The following TAFA4 variants were observed in gnomAD, a reference collection of about 807,000 sequenced individuals.
The protein encoded by TAFA4 is TAFA chemokine like family member 4, also known as chemokine-like protein TAFA-4.
Under a neutral mutation model 21.1 loss-of-function variants are expected in TAFA4, and 20 were observed. The ratio of observed to expected loss-of-function variants is 0.95; its 90% CI spans 0.67 to 1.38. TAFA4 has a LOEUF of 1.38. Ranked by LOEUF, TAFA4 falls within the 40% of genes most tolerant of loss-of-function variation. The probability of loss-of-function intolerance (pLI) is 0.00; values close to 1 mark genes in which losing one functional copy is unlikely to be tolerated. For synonymous variants in TAFA4, 71 were observed against 67.4 expected, an observed-to-expected ratio of 1.05 and a Z score of -0.26; for missense variants, 211 against 180.9, an observed-to-expected ratio of 1.17 and a Z score of -0.95.
At position 68,750,201 on chromosome 3, in the gene TAFA4, G is replaced by A. The variant is rs903924723; in HGVS notation, c.286+2662C>T. ...AATCCCCACACTTTGGGAGGCAGAGGTAGGAGGATTGCTTGAGCCCAGCAG... is the reference window on the plus strand; with the variant it reads ...AATCCCCACACTTTGGGAGGCAGAGATAGGAGGATTGCTTGAGCCCAGCAG... On this transcript the variant is annotated intron_variant, in intron 4 of 5. Coordinates refer to ENST00000295569, the MANE Select transcript of TAFA4 (RefSeq NM_182522.5). Among the ~76,000 whole-genome samples, 3 of 152,184 alleles carry A rather than the reference G, an allele frequency of 2.0e-5. No homozygotes were observed. The South Asian group carries it at 6.2e-4, about 31-fold the overall frequency.
intron 3 of TAFA4, among the ~76,000 whole-genome samples, chr3:68,762,039 G>A (rs1355725414): frequency 6.6e-6 from 1 of 151,798 alleles, no homozygotes; most frequent in East Asian, 1.9e-4. Flanking sequence ...GAGTTCAAGA[G>A]AGAAATCTGG....
intron 3 of TAFA4, among the ~76,000 whole-genome samples, chr3:68,864,660 T>C (rs1263855590): frequency 6.6e-6 from 1 of 152,166 alleles, no homozygotes; most frequent in Non-Finnish European, 1.5e-5. Flanking sequence ...AGCAGCTGTA[T>C]TTATGATAGC....
intron 3 of TAFA4, among the ~76,000 whole-genome samples, chr3:68,869,073 AT>A (rs1559548793): frequency 6.6e-6 from 1 of 152,030 alleles, no homozygotes; most frequent in African/African-American, 2.4e-5. Context: ...TCAATGGATC[AT>A]CAACAGCTAT....
At chr3:68,745,109 G>C (rs959563310) in intron 4 of TAFA4, among the ~76,000 whole-genome samples, 2 of 152,142 alleles carry the variant, frequency 1.3e-5, no homozygotes, top group African/African-American at 4.8e-5. Flanking sequence ...TGCAAATTCC[G>C]TTATGAGTTA....
chr3:68,757,759 C>CAT (rs1303045095), intron 3 of TAFA4, among the ~76,000 whole-genome samples: 1 of 152,186 alleles, frequency 6.6e-6, no homozygotes, highest in African/African-American at 2.4e-5. Flanking sequence ...TTTTAAGATA[C>CAT]ATATTTTTTT....
Position 68,865,081 on chromosome 3 carries a change from A to G in TAFA4, c.130+15649T>C, listed in dbSNP as rs377490927. ...AATAGGTTAAAATTTAACAAAGTGT[A>G]CACTTTCAAATTTGTGCAGTTTATT... is the stretch of plus-strand genomic sequence containing the variant. On this transcript the variant is annotated intron_variant, in intron 3 of 5. Transcript: ENST00000295569. Among the ~76,000 whole-genome samples, 125 of 152,258 alleles carry G rather than the reference A, an allele frequency of 8.2e-4. No individual in the cohort carries two copies. The Middle Eastern group carries it at 0.027, about 33-fold the overall frequency.
chr3:68,746,288 T>C (rs1326804769), intron 4 of TAFA4, among the ~76,000 whole-genome samples: 1 of 152,184 alleles, frequency 6.6e-6, no homozygotes, highest in Non-Finnish European at 1.5e-5. Flanking sequence ...CTTGTTACTG[T>C]GTGAGTTAAT....
At chr3:68,807,129 C>A (rs915705862) in intron 3 of TAFA4, among the ~76,000 whole-genome samples, 1 of 152,190 alleles carries the variant, frequency 6.6e-6, no homozygotes, top group South Asian at 2.1e-4. Flanking sequence ...CTCAGCTGAT[C>A]GGTCTAGGGC....
intron 3 of TAFA4, among the ~76,000 whole-genome samples, chr3:68,829,181 G>A (rs1293541076): frequency 1.3e-5 from 2 of 152,060 alleles, no homozygotes; most frequent in African/African-American, 4.8e-5. Context: ...AAACAGCATG[G>A]TACTAGTACC....
At chr3:68,857,806 A>G (rs977938581) in intron 3 of TAFA4, among the ~76,000 whole-genome samples, 2 of 151,016 alleles carry the variant, frequency 1.3e-5, no homozygotes, top group Non-Finnish European at 2.9e-5. Flanking sequence ...AACATCATTC[A>G]AAACAAAAAA....
At chr3:68,900,899 C>A (rs2089838383) in intron 1 of TAFA4, among the ~76,000 whole-genome samples, 1 of 152,188 alleles carries the variant, frequency 6.6e-6, no homozygotes. Context: ...ACTGCTTTCA[C>A]TAAGGAACAT....
At chr3:68,866,644 G>A (rs1575648673) in intron 3 of TAFA4, among the ~76,000 whole-genome samples, 2 of 30,496 alleles carry the variant, frequency 6.6e-5, no homozygotes, top group Admixed American at 1.1e-3. Flanking sequence ...ATTCAAAATA[G>A]CAGTTCTAAA....
At chr3:68,931,664 C>G (rs77014988) in intron 1 of TAFA4, among the ~76,000 whole-genome samples, 2 of 152,008 alleles carry the variant, frequency 1.3e-5, no homozygotes, top group Non-Finnish European at 2.9e-5. Context: ...CAGACCCGCT[C>G]CAGTTCTCCA....
At chr3:68,864,989 A>G (rs1027817552) in intron 3 of TAFA4, among the ~76,000 whole-genome samples, 11 of 152,160 alleles carry the variant, frequency 7.2e-5, no homozygotes, top group Non-Finnish European at 1.2e-4. Context: ...ACAAAAGAGT[A>G]TAAGGAAACT....
At chr3:68,772,521 G>T (rs1356722172) in intron 3 of TAFA4, among the ~76,000 whole-genome samples, 1 of 152,182 alleles carries the variant, frequency 6.6e-6, no homozygotes, top group Non-Finnish European at 1.5e-5. Flanking sequence ...CCTGCCTATA[G>T]ACATCAGAAC....
intron 3 of TAFA4, among the ~76,000 whole-genome samples, chr3:68,780,081 C>A (rs913991440): frequency 6.6e-6 from 1 of 152,142 alleles, no homozygotes; most frequent in Non-Finnish European, 1.5e-5. Context: ...ATTTGACTGC[C>A]CCACTGAATT....
intron 3 of TAFA4, among the ~76,000 whole-genome samples, chr3:68,861,599 G>T (rs1294912233): frequency 6.6e-6 from 1 of 151,866 alleles, no homozygotes; most frequent in Non-Finnish European, 1.5e-5. Context: ...AGCACCCAAG[G>T]TGCTGCCTGT....
At chr3:68,877,055 A>C (rs1344745039) in intron 3 of TAFA4, among the ~76,000 whole-genome samples, 4 of 152,178 alleles carry the variant, frequency 2.6e-5, no homozygotes, top group Non-Finnish European at 4.4e-5. Flanking sequence ...CTCTGCCATG[A>C]GTAATAAAAT....
chr3:68,899,007 C>T (rs2089819357), intron 1 of TAFA4, among the ~76,000 whole-genome samples: 2 of 152,114 alleles, frequency 1.3e-5, no homozygotes, highest in South Asian at 4.1e-4. Flanking sequence ...TACAGAAAGC[C>T]CAACTCAGAG....
Sources: gnomAD v4.1 joint callset for allele counts (sites outside exome capture counted in the v4.1 genomes callset) on GRCh38, gnomAD v4.1.1 for gene constraint, MANE v1.5 for transcripts, NCBI Gene and HGNC (gene_info 2026-07-23, HGNC 2026-07-21) for gene names.